The following HS2ST1 variants were observed in gnomAD, a reference collection of about 807,000 sequenced individuals.
The protein encoded by HS2ST1 is 2-O-sulfotransferase.
HS2ST1 carries 18 observed loss-of-function variants against 42.9 expected under a neutral mutation model. That is an observed-to-expected ratio of 0.42 (90% confidence interval 0.29 to 0.62). The LOEUF (loss-of-function observed/expected upper bound fraction) is 0.62. HS2ST1 is among the 20% of genes least tolerant of loss of function. The pLI is 0.21. For synonymous variants in HS2ST1, 146 were observed against 152.9 expected (o/e 0.95, Z 0.33); for missense variants, 334 against 433.8 (o/e 0.77, Z 2.04).
intron 1 of HS2ST1, chr1:87,046,680 G>C: frequency 7.0e-7 from 1 of 1,438,358 alleles, no homozygotes; most frequent in Non-Finnish European, 9.3e-7. Flanking sequence ...CTGAAAGACC[G>C]GCAGGTTCTA....
Position 87,072,918 on chromosome 1 carries a change from C to CT in HS2ST1, c.125-15dup, listed in dbSNP as rs1651452982. ...GTGTCCTTAAAAACTTAGTTCGTAT[C>CT]TGTTTTTCTTTCCAGAAAGGGCTAT... On this transcript the variant is annotated splice_polypyrimidine_tract_variant and intron_variant, in intron 1 of 6. Transcript: ENST00000370550. 2.5e-6 allele frequency: 4 copies of CT among 1,581,698 alleles called. No homozygotes were observed. Among genetic ancestry groups the CT allele is most frequent in the Admixed American group, 3.3e-5 (2 of 59,882 alleles).
intron 1 of HS2ST1, among the ~76,000 whole-genome samples, chr1:86,971,416 T>C (rs1648231285): frequency 6.6e-6 from 1 of 152,224 alleles, no homozygotes; most frequent in South Asian, 2.1e-4. Context: ...CTTACTCTTA[T>C]TTTTAATTTC....
chr1:86,927,444 T>C (rs61800750), intron 1 of HS2ST1, among the ~76,000 whole-genome samples: 17,403 of 152,172 alleles, frequency 0.11, 1,059 homozygotes, highest in Non-Finnish European at 0.13. Flanking sequence ...GGTGAATTGA[T>C]TTGCTGCTTA....
chr1:86,933,458 T>G (rs1660581772), intron 1 of HS2ST1, among the ~76,000 whole-genome samples: 1 of 152,204 alleles, frequency 6.6e-6, no homozygotes, highest in Admixed American at 6.5e-5. Flanking sequence ...CGTCAAAGCA[T>G]TCTTCATTTC....
chr1:86,964,883 C>G (rs1425713036), intron 1 of HS2ST1, among the ~76,000 whole-genome samples: 7 of 152,148 alleles, frequency 4.6e-5, no homozygotes, highest in Non-Finnish European at 1.0e-4. Flanking sequence ...GATACACTCT[C>G]TTCATATGTG....
chr1:86,932,995 A>G (rs1444829021), intron 1 of HS2ST1, among the ~76,000 whole-genome samples: 1 of 152,208 alleles, frequency 6.6e-6, no homozygotes, highest in East Asian at 1.9e-4. Context: ...GTAGCCATAG[A>G]TTAAAATTAT....
intron 1 of HS2ST1, among the ~76,000 whole-genome samples, chr1:86,992,780 A>G (rs1648996619): frequency 6.6e-6 from 1 of 152,198 alleles, no homozygotes. Flanking sequence ...AAACCGTACA[A>G]ATTTAGTTAA....
intron 1 of HS2ST1, among the ~76,000 whole-genome samples, chr1:87,054,507 G>A (rs1650913094): frequency 6.6e-6 from 1 of 152,146 alleles, no homozygotes; most frequent in South Asian, 2.1e-4. Context: ...GTTCTCTTAT[G>A]TCCTCAGTAA....
At chr1:86,978,733 A>T (rs1243739235) in intron 1 of HS2ST1, among the ~76,000 whole-genome samples, 2 of 152,138 alleles carry the variant, frequency 1.3e-5, no homozygotes, top group African/African-American at 4.8e-5. Flanking sequence ...TTTAAAAATT[A>T]AGAATATAAT....
rs1652107128 is a variant in HS2ST1, at chr1:87,097,946, T to TA, written c.686+14dup. 1 of 1,613,824 alleles carries TA rather than the reference T, an allele frequency of 6.2e-7. No homozygotes were observed. Among genetic ancestry groups the TA allele is most frequent in the Non-Finnish European group, 8.5e-7 (1 of 1,179,784 alleles). Reference sequence around the variant, plus strand: ...TAGCTCCGAATGCTGGTAGGGGAGATAAAGTTGGCTCAGATTGATTATCAT... The same window carrying TA: ...TAGCTCCGAATGCTGGTAGGGGAGATAAAAGTTGGCTCAGATTGATTATCAT... On this transcript the variant is annotated intron_variant, in intron 5 of 6. Coordinates refer to ENST00000370550, the MANE Select transcript of HS2ST1 (RefSeq NM_012262.4).
chr1:86,953,455 C>A (rs986936648), intron 1 of HS2ST1, among the ~76,000 whole-genome samples: 1 of 152,158 alleles, frequency 6.6e-6, no homozygotes, highest in African/African-American at 2.4e-5. Flanking sequence ...TTTCAGCATG[C>A]CTTTGATTTA....
At chr1:87,046,490 A>G (rs1650669716) in intron 1 of HS2ST1, 1 of 1,222,638 alleles carries the variant, frequency 8.2e-7, no homozygotes, top group Non-Finnish European at 1.2e-6. Flanking sequence ...GGCTAAATCA[A>G]CTGGATATAA....
At chr1:86,943,522 G>C (rs1647226962) in intron 1 of HS2ST1, among the ~76,000 whole-genome samples, 1 of 152,082 alleles carries the variant, frequency 6.6e-6, no homozygotes, top group Non-Finnish European at 1.5e-5. Context: ...AGAAGTTTGA[G>C]ACCAGCCTGG....
chr1:86,993,197 C>T, intron 1 of HS2ST1: 1 of 1,522,450 alleles, frequency 6.6e-7, no homozygotes, highest in Non-Finnish European at 8.9e-7. Flanking sequence ...CTTTTAAATC[C>T]CCTGTGATAA....
intron 1 of HS2ST1, among the ~76,000 whole-genome samples, chr1:86,941,493 C>T (rs1031578033): frequency 3.3e-5 from 5 of 151,906 alleles, no homozygotes; most frequent in South Asian, 2.1e-4. Context: ...AAATTACAGC[C>T]GGGCACCGTG....
rs1652399325 is a variant in HS2ST1 at position 87,108,946 on chromosome 1, C to G, written c.*4250C>G. 6.6e-6 allele frequency: 1 copy of G among 151,714 alleles called. No homozygotes were observed. The highest frequency in any genetic ancestry group is 6.6e-5 in the Admixed American group (1 of 15,204). The allele number at this position is 151,714 out of a possible 1,614,324, so 9.4% of individuals were successfully genotyped here. On this transcript the variant is annotated 3_prime_UTR_variant, in exon 7 of 7. Coordinates refer to ENST00000370550, the MANE Select transcript of HS2ST1 (RefSeq NM_012262.4). ...ACAGCTCAACAGTGCCTTTTTTTTC[C>G]CTCATAGTCCTGTTGGAAGATGCTC...
intron 1 of HS2ST1, among the ~76,000 whole-genome samples, chr1:87,034,067 T>C (rs1477766003): frequency 1.3e-5 from 2 of 152,172 alleles, no homozygotes; most frequent in Non-Finnish European, 2.9e-5. Context: ...AATTTTTAAA[T>C]ATAAAGATGT....
chr1:86,991,503 AG>A (rs1181784891), intron 1 of HS2ST1, among the ~76,000 whole-genome samples: 1 of 152,240 alleles, frequency 6.6e-6, no homozygotes, highest in Non-Finnish European at 1.5e-5. Context: ...TTGGTACAAT[AG>A]TAGGTTATAA....
chr1:87,044,456 G>A (rs1234249874), intron 1 of HS2ST1, among the ~76,000 whole-genome samples: 2 of 152,060 alleles, frequency 1.3e-5, no homozygotes, highest in Non-Finnish European at 2.9e-5. Flanking sequence ...TATACATAGT[G>A]CCATTTAACA....
Sources: allele counts gnomAD v4.1 joint callset (sites outside exome capture counted in the v4.1 genomes callset), GRCh38; gene constraint gnomAD v4.1.1; transcripts MANE v1.5; gene names NCBI Gene and HGNC (gene_info 2026-07-23, HGNC 2026-07-21).